Variants in RANBP2 observed in about 807,000 individuals in gnomAD.
The protein encoded by RANBP2 is RAN binding protein 2, also known as E3 SUMO-protein ligase RanBP2.
RANBP2 carries 57 observed loss-of-function variants against 303.6 expected under a neutral mutation model. The observed-to-expected ratio is 0.19, with a 90% CI of 0.15 to 0.23. The LOEUF is 0.23. Ranked by LOEUF, RANBP2 falls within the 10% of genes least tolerant of loss-of-function variation. The pLI is 1.00. For missense variants in RANBP2, 3,138 were observed against 3,780.8 expected, an observed-to-expected ratio of 0.83 and a Z score of 4.46; for synonymous variants, 1,167 against 1,301.5, an observed-to-expected ratio of 0.90 and a Z score of 2.23.
chr2:109,747,700 T>C, the RANBP2 span, among the ~76,000 whole-genome samples: 2 of 148,522 alleles, frequency 1.3e-5, no homozygotes, highest in Middle Eastern at 3.2e-3. Flanking sequence ...GATTGCGCCA[T>C]TGCACTTGAT....
the RANBP2 span, among the ~76,000 whole-genome samples, chr2:109,637,512 TTCAA>T: frequency 6.6e-6 from 1 of 152,204 alleles, no homozygotes; most frequent in East Asian, 1.9e-4. Context: ...ATACCCCACT[TTCAA>T]GGGCAGAGTT....
Position 108,736,118 on chromosome 2 carries a change from T to C in RANBP2, c.651T>C (p.Ser217=). The C allele has an allele frequency of 6.2e-7, 1 of 1,611,918 alleles. No homozygotes were observed. The highest frequency in any genetic ancestry group is 8.5e-7 in the Non-Finnish European group (1 of 1,179,830). ...CCACAAAATAGGAATATCTGGAGTCTTTACAGTGTTTGGAGTCTGATAAAA... is the reference window on the plus strand; with the variant it reads ...CCACAAAATAGGAATATCTGGAGTCCTTACAGTGTTTGGAGTCTGATAAAA... ...VVQTLKEYLE[S]LQCLESDKSD... is the part of the protein sequence containing the mutation. The change falls in exon 6 of 29, where the codon TCT becomes TCC. Residue 217 remains serine (S), a synonymous_variant. Transcript: ENST00000283195.
At chr2:109,059,926 G>A in the RANBP2 span, among the ~76,000 whole-genome samples, 5 of 152,040 alleles carry the variant, frequency 3.3e-5, no homozygotes, top group Non-Finnish European at 5.9e-5. Flanking sequence ...TGTGGTTGTC[G>A]TATCCTAACC....
At chr2:109,436,997 G>A in the RANBP2 span, 1 of 1,613,698 alleles carries the variant, frequency 6.2e-7, no homozygotes, top group Admixed American at 1.7e-5. Context: ...GGGAGTCTGA[G>A]CAGCCTGGCC....
chr2:108,891,576 GC>G, the RANBP2 span, among the ~76,000 whole-genome samples: 3 of 152,322 alleles, frequency 2.0e-5, no homozygotes, highest in East Asian at 5.8e-4. Context: ...GGCTAAGTGT[GC>G]CTGTTTGTGC....
At chr2:109,259,799 C>T in the RANBP2 span, among the ~76,000 whole-genome samples, 1 of 152,222 alleles carries the variant, frequency 6.6e-6, no homozygotes, top group Non-Finnish European at 1.5e-5. Flanking sequence ...GTTTCCTTGA[C>T]ATCTCTGGGA....
At chr2:108,748,374 ATTTT>A (rs34247750) in intron 8 of RANBP2, among the ~76,000 whole-genome samples, 34,323 of 130,598 alleles carry the variant, frequency 0.26, 4,499 homozygotes, top group African/African-American at 0.36. Flanking sequence ...GGGCCGGCTA[ATTTT>A]TTTTTTTTTT....
At chr2:108,909,095 G>C in the RANBP2 span, among the ~76,000 whole-genome samples, 1 of 152,140 alleles carries the variant, frequency 6.6e-6, no homozygotes, top group African/African-American at 2.4e-5. Flanking sequence ...CAAGTGTCAG[G>C]GTTCAATTTG....
At chr2:109,623,198 T>C in the RANBP2 span, among the ~76,000 whole-genome samples, 1 of 152,310 alleles carries the variant, frequency 6.6e-6, no homozygotes, top group East Asian at 1.9e-4. Flanking sequence ...TTATGTTTGT[T>C]CTATCGGAAT....
the RANBP2 span, among the ~76,000 whole-genome samples, chr2:109,249,352 C>G: frequency 6.6e-6 from 1 of 152,188 alleles, no homozygotes; most frequent in Non-Finnish European, 1.5e-5. Flanking sequence ...AATCCCCGAG[C>G]AAGTTGGTAT....
the RANBP2 span, chr2:109,371,734 C>T: frequency 2.0e-6 from 3 of 1,509,970 alleles, no homozygotes; most frequent in Non-Finnish European, 1.8e-6. Flanking sequence ...ACCCTTGTTT[C>T]ACTACAGTGG....
the RANBP2 span, among the ~76,000 whole-genome samples, chr2:109,252,364 G>T: frequency 6.6e-6 from 1 of 152,130 alleles, no homozygotes; most frequent in African/African-American, 2.4e-5. Flanking sequence ...GGAATAGTTG[G>T]ATGCAAACTC....
At chr2:109,279,805 G>T in the RANBP2 span, among the ~76,000 whole-genome samples, 4 of 152,214 alleles carry the variant, frequency 2.6e-5, no homozygotes, top group Non-Finnish European at 4.4e-5. Flanking sequence ...GCAAGAAGAG[G>T]TCCGGGAGGA....
chr2:108,834,792 C>CT, the RANBP2 span, among the ~76,000 whole-genome samples: 1 of 152,198 alleles, frequency 6.6e-6, no homozygotes, highest in Non-Finnish European at 1.5e-5. Flanking sequence ...AGTCTCTCGT[C>CT]TACTTTCTAT....
chr2:109,281,498 G>A, the RANBP2 span, among the ~76,000 whole-genome samples: 129 of 152,268 alleles, frequency 8.5e-4, no homozygotes, highest in African/African-American at 3.0e-3. Context: ...TGACTCTGTG[G>A]GTGCCTTTCA....
At chr2:108,998,419 G>A in the RANBP2 span, among the ~76,000 whole-genome samples, 1 of 152,240 alleles carries the variant, frequency 6.6e-6, no homozygotes, top group Admixed American at 6.5e-5. Flanking sequence ...TTGTATTCGT[G>A]GAGTGGAAAA....
At chr2:109,202,553 C>T in the RANBP2 span, among the ~76,000 whole-genome samples, 37 of 152,364 alleles carry the variant, frequency 2.4e-4, no homozygotes, top group African/African-American at 8.9e-4. Flanking sequence ...TCCTTCCCCT[C>T]CCAGCAGTCA....
the RANBP2 span, among the ~76,000 whole-genome samples, chr2:109,072,201 G>A: frequency 1.3e-5 from 2 of 152,200 alleles, no homozygotes; most frequent in Non-Finnish European, 2.9e-5. Context: ...ATACTGGGTA[G>A]GAAGAGATGC....
At chr2:109,395,165 C>G in the RANBP2 span, among the ~76,000 whole-genome samples, 4 of 152,368 alleles carry the variant, frequency 2.6e-5, no homozygotes, top group East Asian at 7.7e-4. Context: ...CAGGCCAGTG[C>G]GTGCGCTACT....
Sources: allele counts gnomAD v4.1 joint callset (sites outside exome capture counted in the v4.1 genomes callset), GRCh38; gene constraint gnomAD v4.1.1; transcripts MANE v1.5; gene names NCBI Gene and HGNC (gene_info 2026-07-23, HGNC 2026-07-21).